The following SH3BP5 variants were observed in gnomAD, a reference collection of about 807,000 sequenced individuals.
SH3BP5 encodes SH3 domain binding protein 5, also known as SH3 domain-binding protein 5.
Under a neutral mutation model 43.3 loss-of-function variants are expected in SH3BP5, and 22 were observed. That is an observed-to-expected ratio of 0.51 (90% CI 0.36 to 0.73). The LOEUF is 0.73. Among genes scored for constraint, SH3BP5 ranks in the 30% least tolerant of loss-of-function variants. The probability of loss-of-function intolerance (pLI) is 0.00; values close to 1 mark genes in which losing one functional copy is unlikely to be tolerated. For missense variants in SH3BP5, 529 were observed against 586.9 expected (o/e 0.90, Z 1.02); for synonymous variants, 255 against 225.8 (o/e 1.13, Z -1.16).
rs1696123081 is a variant in SH3BP5 at position 15,254,486 on chromosome 3, A to AAAG, written c.*1597_*1599dup. On this transcript the variant is annotated 3_prime_UTR_variant, in exon 9 of 9. Coordinates refer to ENST00000383791, the MANE Select transcript of SH3BP5 (RefSeq NM_004844.5). ...TTTGAATTCCCTCGGGGAGCTTTTA[A>AAAG]AAGTCTAATGCCCCAGTGTACCCCC... 6.6e-6 allele frequency: 1 copy of AAAG among 151,222 alleles called. No individual in the cohort carries two copies. The highest frequency in any genetic ancestry group is 1.5e-5 in the Non-Finnish European group (1 of 68,034). The allele number at this position is 151,222 out of a possible 1,614,324, so 9.4% of individuals were successfully genotyped here. A position where few individuals can be genotyped will look rare whatever the true frequency, so the allele number is the denominator to read the frequency against.
At chr3:15,272,490 C>T (rs1280356251) in intron 3 of SH3BP5, among the ~76,000 whole-genome samples, 1 of 152,058 alleles carries the variant, frequency 6.6e-6, no homozygotes, top group African/African-American at 2.4e-5. Flanking sequence ...AAAACATGGG[C>T]TGATGAGGTG....
intron 3 of SH3BP5, among the ~76,000 whole-genome samples, chr3:15,299,433 G>T (rs1227803975): frequency 6.7e-6 from 1 of 148,678 alleles, no homozygotes; most frequent in Non-Finnish European, 1.5e-5. Flanking sequence ...AAATAAAATC[G>T]ATGCAAATTT....
chr3:15,289,585 A>G (rs775518881), intron 3 of SH3BP5, among the ~76,000 whole-genome samples: 2 of 152,220 alleles, frequency 1.3e-5, no homozygotes, highest in Non-Finnish European at 2.9e-5. Flanking sequence ...TGTTTAGGCC[A>G]TATTTTTGAG....
chr3:15,274,546 T>C (rs149670201), intron 3 of SH3BP5, among the ~76,000 whole-genome samples: 18 of 151,586 alleles, frequency 1.2e-4, no homozygotes, highest in Non-Finnish European at 1.8e-4. Flanking sequence ...CAGGCTGGAG[T>C]ATAGTGGTGC....
chr3:15,321,715 T>C (rs1378867957), intron 2 of SH3BP5, among the ~76,000 whole-genome samples: 2 of 151,668 alleles, frequency 1.3e-5, no homozygotes, highest in African/African-American at 4.8e-5. Flanking sequence ...TGGTGATGGA[T>C]CTTCTCCCAT....
chr3:15,341,047 C>T lies in SH3BP5; in HGVS notation c.-402+176G>A, dbSNP rs543120150. 7.5e-4 allele frequency among the ~76,000 whole-genome samples: 114 copies of T among 151,910 alleles called. 1 individual carries two copies. The South Asian group carries it at 0.019, about 26-fold the overall frequency. Reference sequence around the variant, plus strand: ...AGCCTGGGCAACAAGAGTGAAAGTCCGCCTCAAAAAATAATAAATAAATAA... The same window carrying T: ...AGCCTGGGCAACAAGAGTGAAAGTCTGCCTCAAAAAATAATAAATAAATAA... On this transcript the variant is annotated intron_variant, in intron 1 of 8. Coordinates refer to the SH3BP5 transcript ENST00000408919.
intron 1 of SH3BP5, 189 bp downstream of exon 1, chr3:15,332,082 G>A (rs557906033): frequency 2.6e-4 from 236 of 906,452 alleles, no homozygotes; most frequent in Non-Finnish European, 3.5e-4. Flanking sequence ...CCGCATCCAC[G>A]CGGGCACTGT....
chr3:15,256,408 CTT>C, intron 8 of SH3BP5, 105 bp from the exon 9 acceptor site: 1 of 1,279,288 alleles, frequency 7.8e-7, no homozygotes, highest in Non-Finnish European at 1.1e-6. Context: ...TTCTAAGTCA[CTT>C]GAGCTCAAAC....
upstream of SH3BP5, among the ~76,000 whole-genome samples, chr3:15,334,864 A>G (rs1189473145): frequency 6.6e-6 from 1 of 151,976 alleles, no homozygotes; most frequent in Non-Finnish European, 1.5e-5. Flanking sequence ...AGATGGGAAG[A>G]TTGCTTAAGC....
At chr3:15,281,193 T>G (rs1241681402) in intron 3 of SH3BP5, among the ~76,000 whole-genome samples, 1 of 152,124 alleles carries the variant, frequency 6.6e-6, no homozygotes, top group Non-Finnish European at 1.5e-5. Context: ...CTATAGCTAA[T>G]TTTTGTATTT....
intron 3 of SH3BP5, among the ~76,000 whole-genome samples, chr3:15,297,796 G>T (rs55658277): frequency 0.033 from 5,028 of 152,050 alleles, 269 homozygotes; most frequent in African/African-American, 0.11. Context: ...ATAAGGCCAA[G>T]GTCAGCCAGC....
intron 3 of SH3BP5, among the ~76,000 whole-genome samples, chr3:15,294,964 C>T (rs2125099419): frequency 6.6e-6 from 1 of 152,266 alleles, no homozygotes; most frequent in Middle Eastern, 3.4e-3. Flanking sequence ...GACCCCTCCC[C>T]TCAGATCTCT....
intron 2 of SH3BP5, among the ~76,000 whole-genome samples, chr3:15,323,435 C>T (rs115105362): frequency 6.6e-5 from 10 of 152,190 alleles, no homozygotes; most frequent in African/African-American, 1.9e-4. Flanking sequence ...CAGCGCCCAG[C>T]GGGTCTCAGC....
chr3:15,326,833 G>A (rs1482388939), intron 2 of SH3BP5, among the ~76,000 whole-genome samples: 2 of 152,210 alleles, frequency 1.3e-5, no homozygotes, highest in Non-Finnish European at 2.9e-5. Context: ...CTGAGCACGA[G>A]CAGGCTGTGA....
intron 7 of SH3BP5, 38 bp downstream of exon 7, chr3:15,258,793 G>C: frequency 6.5e-7 from 1 of 1,545,380 alleles, no homozygotes; most frequent in African/African-American, 1.4e-5. Flanking sequence ...CACACAGTCT[G>C]ATATCTCCCC....
chr3:15,292,596 C>G (rs1697442231), intron 3 of SH3BP5, among the ~76,000 whole-genome samples: 1 of 152,172 alleles, frequency 6.6e-6, no homozygotes, highest in Non-Finnish European at 1.5e-5. Context: ...TGCCTGTAAT[C>G]CCAGCACTTT....
At chr3:15,302,866 T>A (rs1697791544) in intron 3 of SH3BP5, among the ~76,000 whole-genome samples, 1 of 151,760 alleles carries the variant, frequency 6.6e-6, no homozygotes, top group Admixed American at 6.6e-5. Flanking sequence ...TGGAGTGCAG[T>A]GGCACGATCT....
chr3:15,294,846 A>G (rs749606753), intron 3 of SH3BP5, among the ~76,000 whole-genome samples: 38 of 152,286 alleles, frequency 2.5e-4, no homozygotes, highest in Non-Finnish European at 4.6e-4. Context: ...GCTGAGGCGT[A>G]AGGCACCCTC....
intron 5 of SH3BP5, chr3:15,260,169 A>G (rs369288136): frequency 1.3e-4 from 33 of 259,800 alleles, no homozygotes; most frequent in African/African-American, 7.6e-4. Flanking sequence ...TGCTCTCCTA[A>G]TGAAGTTGGC....
Sources: allele counts gnomAD v4.1 joint callset (sites outside exome capture counted in the v4.1 genomes callset), GRCh38; gene constraint gnomAD v4.1.1; transcripts MANE v1.5; gene names NCBI Gene and HGNC (gene_info 2026-07-23, HGNC 2026-07-21).